SRPX: variants seen among roughly 807,000 people sequenced by gnomAD.
The protein encoded by SRPX is sushi repeat-containing protein SRPX.
In SRPX, 24 loss-of-function variants were observed where a neutral mutation model predicts 38.1. The ratio of observed to expected loss-of-function variants is 0.63; its 90% CI spans 0.46 to 0.89. SRPX has a LOEUF of 0.89. Among genes scored for constraint, SRPX ranks in the 40% least tolerant of loss-of-function variants. The pLI, the probability that SRPX is intolerant of heterozygous loss-of-function variation, is 0.00. For synonymous variants in SRPX, 184 were observed against 153.8 expected (o/e 1.20, Z -1.45); for missense variants, 416 against 377.8 (o/e 1.10, Z -0.84).
chrX:38,165,004 CAA>C (rs2147772739), intron 4 of SRPX, 109 bp from the exon 5 acceptor site: 1 of 714,636 alleles, frequency 1.4e-6, no homozygotes, highest in Admixed American at 3.1e-5. Flanking sequence ...TCTCCATTTT[CAA>C]AGAGTTTGTT....
chrX:38,167,020 A>C (rs1938374351), intron 4 of SRPX, among the ~76,000 whole-genome samples: 2 of 111,888 alleles, frequency 1.8e-5, no homozygotes. Context: ...AAACAAGAAG[A>C]AATAAATCAT....
intron 1 of SRPX, among the ~76,000 whole-genome samples, chrX:38,187,178 C>T (rs1938803730): frequency 8.9e-6 from 1 of 111,784 alleles, no homozygotes; most frequent in Non-Finnish European, 1.9e-5. Context: ...CCTCCACATC[C>T]CTGAGCTGCT....
At chrX:38,211,392 T>C (rs1939316775) in intron 1 of SRPX, among the ~76,000 whole-genome samples, 2 of 111,738 alleles carry the variant, frequency 1.8e-5, no homozygotes, top group African/African-American at 6.5e-5. Flanking sequence ...CAGGTGATCC[T>C]TACTCAGCCT....
At chrX:38,170,912 G>A (rs1161421578) in intron 4 of SRPX, among the ~76,000 whole-genome samples, 1 of 111,765 alleles carries the variant, frequency 8.9e-6, no homozygotes, top group Non-Finnish European at 1.9e-5. Flanking sequence ...GAAGAGCTAT[G>A]CACATAGCTA....
chrX:38,183,079 G>A (rs190724662), intron 1 of SRPX, among the ~76,000 whole-genome samples: 2 of 106,590 alleles, frequency 1.9e-5, no homozygotes, highest in Admixed American at 1.0e-4. Context: ...TTTGAGACAG[G>A]GTCTCGCTCT....
chrX:38,179,326 T>C (rs1463644995), intron 1 of SRPX, among the ~76,000 whole-genome samples: 1 of 112,425 alleles, frequency 8.9e-6, no homozygotes, highest in Admixed American at 9.4e-5. Flanking sequence ...TTAATTTAAC[T>C]CATTTGCAAG....
At chrX:38,166,354 G>A (rs186915946) in intron 4 of SRPX, among the ~76,000 whole-genome samples, 1 of 112,181 alleles carries the variant, frequency 8.9e-6, no homozygotes, top group East Asian at 2.8e-4. Flanking sequence ...TCAGTGGAGT[G>A]TGAACTTAAC....
In SRPX at chrX:38,164,796, C is replaced by T; in HGVS notation, c.626G>A (p.Arg209Lys). 1 of 1,211,049 alleles carries T rather than the reference C, an allele frequency of 8.3e-7. No individual in the cohort carries two copies. The highest frequency in any genetic ancestry group is 1.1e-6 in the Non-Finnish European group (1 of 895,119). Reference sequence around the variant, plus strand: ...AGTAAGAATTCCATCTGCTGTGTCTCTTCCTTCGGGTGTCTCCCAGGACAC... The same window carrying T: ...AGTAAGAATTCCATCTGCTGTGTCTTTTCCTTCGGGTGTCTCCCAGGACAC... ...VRVSWETPEG[R>K]DTADGILTDV... The change falls in exon 5 of 10, where the codon AGA becomes AAA. Residue 209 changes from arginine to lysine, a missense_variant. Transcript: ENST00000378533.
At chrX:38,179,384 C>T (rs948075374) in intron 1 of SRPX, among the ~76,000 whole-genome samples, 2 of 112,441 alleles carry the variant, frequency 1.8e-5, no homozygotes, top group African/African-American at 6.5e-5. Flanking sequence ...TTCCAGTGAG[C>T]AGTAAATCCT....
intron 1 of SRPX, among the ~76,000 whole-genome samples, chrX:38,202,901 A>T (rs1405040082): frequency 8.9e-6 from 1 of 112,368 alleles, no homozygotes; most frequent in East Asian, 2.8e-4. Context: ...TGAAGTGGAG[A>T]ACACATGTCC....
At chrX:38,213,988 T>A (rs1389023425) in intron 1 of SRPX, among the ~76,000 whole-genome samples, 1 of 111,865 alleles carries the variant, frequency 8.9e-6, no homozygotes, top group Non-Finnish European at 1.9e-5. Flanking sequence ...AGATTACATT[T>A]CAACATGAGA....
intron 2 of SRPX, among the ~76,000 whole-genome samples, chrX:38,175,405 G>C (rs1324472291): frequency 8.9e-6 from 1 of 112,294 alleles, no homozygotes; most frequent in Non-Finnish European, 1.9e-5. Context: ...TCTCTTCTGA[G>C]GATATGCCTC....
At chrX:38,161,323 AG>A (rs1010721915) in intron 5 of SRPX, among the ~76,000 whole-genome samples, 2 of 110,375 alleles carry the variant, frequency 1.8e-5, no homozygotes, top group East Asian at 2.8e-4. Context: ...AAGTGGGTAG[AG>A]GGGGGAGGGA....
Position 38,151,518 on chromosome X carries a change from A to C in SRPX, c.1212-1624T>G, listed in dbSNP as rs1373188384. 3.6e-5 allele frequency among the ~76,000 whole-genome samples: 4 copies of C among 110,698 alleles called. No individual in the cohort carries two copies. The South Asian group carries it at 1.2e-3, about 32-fold the overall frequency. On this transcript the variant is annotated intron_variant, in intron 9 of 9. Coordinates refer to ENST00000378533, the MANE Select transcript of SRPX (RefSeq NM_006307.5). ...TTGTGAGACTAGGATGGGAACCCCC[A>C]CCACCACCACCACGGTGCCACCATC...
chrX:38,199,336 G>C (rs1320862625), intron 1 of SRPX, among the ~76,000 whole-genome samples: 3 of 111,616 alleles, frequency 2.7e-5, no homozygotes, highest in Non-Finnish European at 5.7e-5. Context: ...AACCCGGGAG[G>C]CGGAGCTTGC....
At chrX:38,219,171 G>A (rs1939467802) in intron 1 of SRPX, among the ~76,000 whole-genome samples, 1 of 110,860 alleles carries the variant, frequency 9.0e-6, no homozygotes, top group African/African-American at 3.3e-5. Context: ...GAAGATGAGA[G>A]AAAGGAGAGG....
chrX:38,163,354 G>C (rs746078059), intron 5 of SRPX, among the ~76,000 whole-genome samples: 59 of 112,112 alleles, frequency 5.3e-4, no homozygotes, highest in Non-Finnish European at 1.1e-3. Context: ...TGGGTTGATA[G>C]GATTCTAGAA....
chrX:38,192,566 G>A (rs1265103884), intron 1 of SRPX, among the ~76,000 whole-genome samples: 2 of 112,706 alleles, frequency 1.8e-5, no homozygotes, highest in African/African-American at 6.5e-5. Context: ...CCTGTTTTCT[G>A]TTATTGAGAG....
At chrX:38,202,872 A>G (rs1049914592) in intron 1 of SRPX, among the ~76,000 whole-genome samples, 1 of 112,520 alleles carries the variant, frequency 8.9e-6, no homozygotes, top group African/African-American at 3.2e-5. Context: ...AGAATTCTAC[A>G]GAATGTCTTC....
Sources: gnomAD v4.1 joint callset for allele counts (sites outside exome capture counted in the v4.1 genomes callset) on GRCh38, gnomAD v4.1.1 for gene constraint, MANE v1.5 for transcripts, NCBI Gene and HGNC (gene_info 2026-07-23, HGNC 2026-07-21) for gene names.